ASAP1: variants seen among roughly 807,000 people sequenced by gnomAD.
The protein encoded by ASAP1 is ArfGAP with SH3 domain, ankyrin repeat and PH domain 1.
Under a neutral mutation model 145.2 loss-of-function variants are expected in ASAP1, and 43 were observed. The observed-to-expected ratio is 0.30, with a 90% CI of 0.23 to 0.38. The LOEUF (loss-of-function observed/expected upper bound fraction) is 0.38, where lower values mean the gene tolerates loss of function less well. ASAP1 is among the 10% of genes least tolerant of loss of function. The pLI, the probability that ASAP1 is intolerant of heterozygous loss-of-function variation, is 1.00. For missense variants in ASAP1, 1,018 were observed against 1,355.3 expected (o/e 0.75, Z 3.91); for synonymous variants, 546 against 515.5 (o/e 1.06, Z -0.80).
At chr8:130,123,803 A>C (rs1021708618) in intron 18 of ASAP1, among the ~76,000 whole-genome samples, 1 of 151,902 alleles carries the variant, frequency 6.6e-6, no homozygotes, top group African/African-American at 2.4e-5. Flanking sequence ...AATTTTTAAA[A>C]AATTTTTAAT....
At chr8:130,293,125 T>C (rs1822046035) in intron 3 of ASAP1, among the ~76,000 whole-genome samples, 1 of 152,214 alleles carries the variant, frequency 6.6e-6, no homozygotes, top group Non-Finnish European at 1.5e-5. Flanking sequence ...GTCTACAGAA[T>C]TGCCCTTTCT....
Position 130,236,937 on chromosome 8 carries a change from A to T in ASAP1, c.244T>A (p.Tyr82Asn). Residue 82 changes from tyrosine (Y) to asparagine (N), a missense_variant, in exon 4 of 30, where the codon TAT (tyrosine) becomes AAT (asparagine). Physicochemically the swap from Tyr to Asn is moderately radical, Grantham distance 143. This residue lies in a region of ASAP1 where 106 missense variants were observed against 134.5 expected (regional missense o/e 0.79). Coordinates refer to ENST00000518721, the MANE Select transcript of ASAP1 (RefSeq NM_018482.4). ...AAGTGCTTACCTTGACCAGAATTAT[A>T]TATTGCTTTTACAGACTTCTTCACT... ...QKVKKSVKAIYNSGQDHVQNE... is the reference protein window; with the variant it reads ...QKVKKSVKAINNSGQDHVQNE... 1.2e-6 allele frequency: 2 copies of T among 1,601,106 alleles called. No homozygotes were observed. Among genetic ancestry groups the T allele is most frequent in the Non-Finnish European group, 1.7e-6 (2 of 1,172,698 alleles).
chr8:130,428,674 T>C (rs1397392963), intron 1 of ASAP1, among the ~76,000 whole-genome samples: 7 of 145,620 alleles, frequency 4.8e-5, no homozygotes, highest in Non-Finnish European at 1.1e-4. Context: ...CCCACCATCA[T>C]CATCACCATC....
At chr8:130,168,062 T>G (rs1159698312) in intron 10 of ASAP1, among the ~76,000 whole-genome samples, 1 of 152,166 alleles carries the variant, frequency 6.6e-6, no homozygotes, top group African/African-American at 2.4e-5. Flanking sequence ...AGTGCTGCTT[T>G]TTTTAACCAC....
At chr8:130,187,401 A>T in intron 6 of ASAP1, 116 bp from the exon 7 acceptor site, 7 of 821,734 alleles carry the variant, frequency 8.5e-6, no homozygotes. Context: ...TGGGAACTTC[A>T]CTTTATGCAC....
intron 24 of ASAP1, 84 bp from the exon 25 acceptor site, chr8:130,092,227 A>G: frequency 7.1e-7 from 1 of 1,398,816 alleles, no homozygotes; most frequent in Non-Finnish European, 9.6e-7. Flanking sequence ...ACTTCCACAC[A>G]TCAGAATGTG....
intron 5 of ASAP1, 96 bp from the exon 6 acceptor site, chr8:130,188,279 A>T: frequency 1.0e-6 from 1 of 953,586 alleles, no homozygotes; most frequent in Non-Finnish European, 1.7e-6. Context: ...TCCACACACC[A>T]GGCTCTGTTG....
At chr8:130,330,502 A>C (rs565744205) in intron 3 of ASAP1, among the ~76,000 whole-genome samples, 1 of 152,350 alleles carries the variant, frequency 6.6e-6, no homozygotes, top group South Asian at 2.1e-4. Context: ...TTTGGGACAG[A>C]AAGCATGTCT....
intron 4 of ASAP1, among the ~76,000 whole-genome samples, chr8:130,217,351 T>C (rs1205986672): frequency 6.6e-6 from 1 of 152,146 alleles, no homozygotes; most frequent in Non-Finnish European, 1.5e-5. Context: ...TACAATAAAT[T>C]ACTTTTCTTT....
intron 3 of ASAP1, among the ~76,000 whole-genome samples, chr8:130,243,024 T>C (rs1201558066): frequency 6.6e-6 from 1 of 152,088 alleles, no homozygotes; most frequent in Non-Finnish European, 1.5e-5. Context: ...CACTTATTCA[T>C]CCACTCAGTG....
intron 5 of ASAP1, among the ~76,000 whole-genome samples, chr8:130,206,320 T>G (rs761468769): frequency 6.6e-6 from 1 of 152,126 alleles, no homozygotes; most frequent in East Asian, 1.9e-4. Flanking sequence ...ATTTTACCAT[T>G]AGGCACATCC....
intron 12 of ASAP1, among the ~76,000 whole-genome samples, chr8:130,155,228 C>T (rs2097655902): frequency 6.6e-6 from 1 of 152,170 alleles, no homozygotes; most frequent in South Asian, 2.1e-4. Context: ...TTCTCTTCTG[C>T]TGCTAATAAA....
intron 12 of ASAP1, 50 bp from the exon 13 acceptor site, chr8:130,152,855 G>C (rs1384099787): frequency 7.3e-7 from 1 of 1,366,750 alleles, no homozygotes. Flanking sequence ...TTCACTCTGG[G>C]ACATGCGACG....
chr8:130,414,221 T>C (rs1425212047), intron 1 of ASAP1, among the ~76,000 whole-genome samples: 1 of 152,210 alleles, frequency 6.6e-6, no homozygotes, highest in Non-Finnish European at 1.5e-5. Flanking sequence ...ATTGGACGAA[T>C]GTTTGCTGAC....
intron 2 of ASAP1, among the ~76,000 whole-genome samples, chr8:130,380,312 T>C (rs1191877704): frequency 6.6e-6 from 1 of 152,214 alleles, no homozygotes; most frequent in Non-Finnish European, 1.5e-5. Flanking sequence ...AGCAGGATGA[T>C]GGAGTGTGTA....
chr8:130,068,418 T>G (rs1054895947), intron 27 of ASAP1, among the ~76,000 whole-genome samples: 3 of 152,174 alleles, frequency 2.0e-5, no homozygotes. Context: ...CAAAACTAAG[T>G]AACTATGGAA....
chr8:130,188,741 A>G (rs13276034), intron 5 of ASAP1, among the ~76,000 whole-genome samples: 13,016 of 143,822 alleles, frequency 0.091, 625 homozygotes, highest in Non-Finnish European at 0.12. Context: ...AAAAAAAAAA[A>G]AAAAGAAAAG....
intron 3 of ASAP1, among the ~76,000 whole-genome samples, chr8:130,252,058 T>A (rs574744637): frequency 6.6e-6 from 1 of 152,148 alleles, no homozygotes; most frequent in Non-Finnish European, 1.5e-5. Flanking sequence ...TTCTAAATCA[T>A]CATTAGCAGT....
chr8:130,109,065 G>A (rs1048979271), intron 24 of ASAP1, among the ~76,000 whole-genome samples: 3 of 152,130 alleles, frequency 2.0e-5, no homozygotes, highest in Admixed American at 6.6e-5. Flanking sequence ...GTAAGCCACC[G>A]CACCCGGTCC....
Sources: allele counts gnomAD v4.1 joint callset (sites outside exome capture counted in the v4.1 genomes callset), GRCh38; gene constraint gnomAD v4.1.1; regional missense constraint gnomAD v4.1.1; transcripts MANE v1.5; gene names NCBI Gene and HGNC (gene_info 2026-07-23, HGNC 2026-07-21).